BNC2: variants seen among roughly 807,000 people sequenced by gnomAD.
The protein encoded by BNC2 is basonuclin zinc finger protein 2.
BNC2 carries 20 observed loss-of-function variants against 76.3 expected under a neutral mutation model. The ratio of observed to expected loss-of-function variants is 0.26; its 90% CI spans 0.18 to 0.38. The LOEUF is 0.38. Among genes scored for constraint, BNC2 ranks in the 10% least tolerant of loss-of-function variants. The probability of loss-of-function intolerance (pLI) is 1.00; values close to 1 mark genes in which losing one functional copy is unlikely to be tolerated. For synonymous variants in BNC2, 582 were observed against 514.8 expected, an observed-to-expected ratio of 1.13 and a Z score of -1.77; for missense variants, 1,382 against 1,399.8, an observed-to-expected ratio of 0.99 and a Z score of 0.20.
intron 1 of BNC2, among the ~76,000 whole-genome samples, chr9:16,862,891 C>T (rs1361700464): frequency 1.4e-5 from 2 of 141,478 alleles, no homozygotes; most frequent in Non-Finnish European, 3.0e-5. Context: ...GCAGATTCAT[C>T]TATATATAGC....
At chr9:16,481,469 G>A (rs1483840707) in intron 5 of BNC2, among the ~76,000 whole-genome samples, 2 of 152,030 alleles carry the variant, frequency 1.3e-5, no homozygotes, top group Admixed American at 6.6e-5. Flanking sequence ...GCGAGACCAC[G>A]AGCCCACTAG....
At chr9:16,649,252 T>A (rs920602012) in intron 3 of BNC2, among the ~76,000 whole-genome samples, 4 of 152,202 alleles carry the variant, frequency 2.6e-5, no homozygotes, top group Non-Finnish European at 5.9e-5. Context: ...GCTATCCACC[T>A]GAACCACCCA....
chr9:16,738,236 G>A, intron 2 of BNC2, 124 bp downstream of exon 2: 2 of 1,070,058 alleles, frequency 1.9e-6, no homozygotes, highest in Non-Finnish European at 1.4e-6. Context: ...ATAGAATGAG[G>A]ATAAGTATGA....
intron 5 of BNC2, among the ~76,000 whole-genome samples, chr9:16,517,153 G>A (rs749258923): frequency 1.3e-5 from 2 of 152,258 alleles, no homozygotes; most frequent in East Asian, 3.9e-4. Context: ...CAAATTTATT[G>A]AGGGTTATTT....
At chr9:16,720,168 G>C (rs552085712) in intron 3 of BNC2, among the ~76,000 whole-genome samples, 1 of 152,278 alleles carries the variant, frequency 6.6e-6, no homozygotes, top group South Asian at 2.1e-4. Context: ...AGCACTCACA[G>C]AGGACCACAC....
rs1820604649 is a variant in BNC2, at chr9:16,417,270, G to C, written c.*1719C>G. 6.6e-6 allele frequency: 1 copy of C among 152,612 alleles called. No homozygotes were observed. Among genetic ancestry groups the C allele is most frequent in the Non-Finnish European group, 1.5e-5 (1 of 68,038 alleles). The allele number at this position is 152,612 out of a possible 1,614,324, so 9.5% of individuals were successfully genotyped here. A position where few individuals can be genotyped will look rare whatever the true frequency, so the allele number is the denominator to read the frequency against. Reference sequence around the variant, plus strand: ...GTATGTTGTGGTAGCTGAGGCTGCCGATGTGGTTAACCAGCTCAGGCAACA... The same window carrying C: ...GTATGTTGTGGTAGCTGAGGCTGCCCATGTGGTTAACCAGCTCAGGCAACA... On this transcript the variant is annotated 3_prime_UTR_variant, in exon 7 of 7. Coordinates refer to ENST00000380672, the MANE Select transcript of BNC2 (RefSeq NM_017637.6).
chr9:16,506,510 CCTCTT>C (rs1822628689), intron 5 of BNC2, among the ~76,000 whole-genome samples: 4 of 88,582 alleles, frequency 4.5e-5, no homozygotes, highest in African/African-American at 2.0e-4. Context: ...CTCTCTCTCT[CCTCTT>C]TTTTTTTTTT....
At chr9:16,709,176 G>C (rs1172283792) in intron 3 of BNC2, among the ~76,000 whole-genome samples, 1 of 152,054 alleles carries the variant, frequency 6.6e-6, no homozygotes, top group Non-Finnish European at 1.5e-5. Context: ...AGCAAGGAGT[G>C]AGCAAGCCAC....
chr9:16,493,159 G>A (rs562391398), intron 5 of BNC2, among the ~76,000 whole-genome samples: 1 of 152,252 alleles, frequency 6.6e-6, no homozygotes, highest in Admixed American at 6.5e-5. Flanking sequence ...CGCAGAAAAA[G>A]CACTCATTAT....
intron 3 of BNC2, among the ~76,000 whole-genome samples, chr9:16,617,366 G>T (rs556090916): frequency 1.3e-5 from 2 of 152,134 alleles, no homozygotes; most frequent in East Asian, 3.9e-4. Context: ...ACCTGATAAA[G>T]AATGTATCAC....
chr9:16,793,121 T>C (rs2135681145), intron 1 of BNC2, among the ~76,000 whole-genome samples: 1 of 152,304 alleles, frequency 6.6e-6, no homozygotes, highest in African/African-American at 2.4e-5. Context: ...AACAGGATTG[T>C]CAACAAAGTC....
intron 1 of BNC2, among the ~76,000 whole-genome samples, chr9:16,757,724 G>GA (rs1554724021): frequency 0.24 from 26,051 of 109,780 alleles, 3,221 homozygotes; most frequent in African/African-American, 0.37. Context: ...ATTTTAAAAA[G>GA]AAAAAAAAAA....
At chr9:16,545,292 T>C (rs956642986) in intron 5 of BNC2, among the ~76,000 whole-genome samples, 2 of 152,252 alleles carry the variant, frequency 1.3e-5, no homozygotes, top group Admixed American at 1.3e-4. Context: ...AGGTTGGCAG[T>C]AGTCTGTAAC....
chr9:16,497,511 C>A (rs553010098), intron 5 of BNC2, among the ~76,000 whole-genome samples: 11 of 152,012 alleles, frequency 7.2e-5, no homozygotes, highest in Non-Finnish European at 1.0e-4. Flanking sequence ...CACATTATAC[C>A]GGAAACCAAG....
Position 16,470,171 on chromosome 9 carries a change from A to G in BNC2, c.670-32647T>C, listed in dbSNP as rs139443851. On this transcript the variant is annotated intron_variant, in intron 5 of 6. Coordinates refer to ENST00000380672, the MANE Select transcript of BNC2 (RefSeq NM_017637.6). ...CACCACCACGCCCAGCTAATTTTTT[A>G]TATTTTTAGTATAGATGGGGTTTCA... Among the ~76,000 whole-genome samples the G allele has an allele frequency of 4.6e-5, 7 of 151,376 alleles. No individual in the cohort carries two copies. In the East Asian group the frequency reaches 1.4e-3, roughly 30 times the overall value.
At chr9:16,819,060 A>G (rs2135927780) in intron 1 of BNC2, among the ~76,000 whole-genome samples, 1 of 152,304 alleles carries the variant, frequency 6.6e-6, no homozygotes, top group Non-Finnish European at 1.5e-5. Context: ...CAAAAGAGGG[A>G]CATTGCATGA....
chr9:16,732,938 C>T (rs1037938007), intron 2 of BNC2, among the ~76,000 whole-genome samples: 2 of 152,162 alleles, frequency 1.3e-5, no homozygotes, highest in African/African-American at 4.8e-5. Flanking sequence ...TTGCCATTCT[C>T]GAAGTAGAGT....
chr9:16,745,475 A>C (rs1824974129), intron 1 of BNC2, among the ~76,000 whole-genome samples: 1 of 152,230 alleles, frequency 6.6e-6, no homozygotes, highest in Non-Finnish European at 1.5e-5. Flanking sequence ...CCTTCCTGAC[A>C]ACAATCAGCA....
chr9:16,851,251 T>A (rs1819120098), intron 1 of BNC2, among the ~76,000 whole-genome samples: 1 of 152,190 alleles, frequency 6.6e-6, no homozygotes. Context: ...CTCATGCCTA[T>A]AATCCCAGCA....
Sources: gnomAD v4.1 joint callset for allele counts (sites outside exome capture counted in the v4.1 genomes callset) on GRCh38, gnomAD v4.1.1 for gene constraint, MANE v1.5 for transcripts, NCBI Gene and HGNC (gene_info 2026-07-23, HGNC 2026-07-21) for gene names.